The following ARMC9 variants were observed in gnomAD, a reference collection of about 807,000 sequenced individuals.
ARMC9 encodes the protein armadillo repeat containing 9, also known as lisH domain-containing protein ARMC9.
A neutral mutation model predicts 107.0 loss-of-function variants in ARMC9; 94 were observed. The observed-to-expected ratio is 0.88, with a 90% confidence interval of 0.74 to 1.04. ARMC9 has a LOEUF of 1.04. Ranked by LOEUF, ARMC9 falls within the 50% of genes least tolerant of loss-of-function variation. The probability of loss-of-function intolerance (pLI) is 0.00; values close to 1 mark genes in which losing one functional copy is unlikely to be tolerated. For missense variants in ARMC9, 942 were observed against 1,030.1 expected (o/e 0.91, Z 1.17); for synonymous variants, 380 against 396.9 (o/e 0.96, Z 0.51).
intron 11 of ARMC9, among the ~76,000 whole-genome samples, chr2:231,261,056 G>T (rs2038292912): frequency 6.6e-6 from 1 of 152,184 alleles, no homozygotes; most frequent in Admixed American, 6.5e-5. Flanking sequence ...TCTCCTTCCA[G>T]CCCAGGGCGT....
chr2:231,205,233 G>A (rs2031787166), intron 1 of ARMC9, among the ~76,000 whole-genome samples: 1 of 151,886 alleles, frequency 6.6e-6, no homozygotes, highest in African/African-American at 2.4e-5. Context: ...ACCTGGGTAT[G>A]GTGGCATGCA....
intron 12 of ARMC9, among the ~76,000 whole-genome samples, chr2:231,263,632 C>T (rs934075234): frequency 5.3e-5 from 8 of 152,148 alleles, no homozygotes; most frequent in African/African-American, 1.7e-4. Flanking sequence ...AGCAACAGAC[C>T]GTGGGAAAGT....
intron 17 of ARMC9, among the ~76,000 whole-genome samples, chr2:231,283,490 C>T (rs923481180): frequency 3.9e-5 from 6 of 152,152 alleles, no homozygotes; most frequent in Non-Finnish European, 7.4e-5. Flanking sequence ...AGTACAGTGG[C>T]ACCATCTTGA....
chr2:231,292,959 A>G (rs75647062), intron 18 of ARMC9, among the ~76,000 whole-genome samples: 1 of 152,156 alleles, frequency 6.6e-6, no homozygotes, highest in Non-Finnish European at 1.5e-5. Context: ...GGGGATTTCA[A>G]GCTCCCAGTT....
intron 12 of ARMC9, among the ~76,000 whole-genome samples, chr2:231,269,976 A>G (rs113804888): frequency 3.3e-5 from 5 of 149,422 alleles, no homozygotes. Flanking sequence ...GGGGACCACA[A>G]AGCCATTGAG....
At chr2:231,366,179 A>G (rs1045715205) in intron 23 of ARMC9, among the ~76,000 whole-genome samples, 3 of 152,232 alleles carry the variant, frequency 2.0e-5, no homozygotes, top group African/African-American at 4.8e-5. Flanking sequence ...TCCAAAGGCC[A>G]TCAGTTGGCA....
intron 12 of ARMC9, 25 bp downstream of exon 12, chr2:231,262,423 C>T: frequency 6.3e-7 from 1 of 1,578,056 alleles, no homozygotes; most frequent in South Asian, 1.1e-5. Context: ...GGGCCAGATC[C>T]CAGCCAGGGC....
At position 231,288,680 on chromosome 2, in the gene ARMC9, C is replaced by T. The variant is rs780433404; in HGVS notation, c.1627-2673C>T. 17 of 471,170 alleles carry T rather than the reference C, an allele frequency of 3.6e-5. No homozygotes were observed. In the East Asian group the frequency reaches 9.7e-4, roughly 27 times the overall value. 29.2% of individuals were successfully genotyped at this position (471,170 alleles called of 1,614,324 possible). On this transcript the variant is annotated intron_variant, in intron 17 of 24. Transcript: ENST00000611582. ...CAAAGGTCCCCTGAAGGAGTGACTG[C>T]GGTTGTGCCCATTTTGCTGCTGACA...
chr2:231,310,167 C>T (rs577635870), intron 19 of ARMC9, among the ~76,000 whole-genome samples: 53 of 152,330 alleles, frequency 3.5e-4, no homozygotes, highest in African/African-American at 1.3e-3. Context: ...GTAATCCCAG[C>T]ACTTTGGGAG....
intron 19 of ARMC9, among the ~76,000 whole-genome samples, chr2:231,328,454 A>G (rs1193348249): frequency 6.6e-6 from 1 of 152,116 alleles, no homozygotes; most frequent in African/African-American, 2.4e-5. Flanking sequence ...TGTTCTAAAA[A>G]TGTGTTAGTT....
At chr2:231,367,588 G>A (rs562343795) in intron 23 of ARMC9, among the ~76,000 whole-genome samples, 12 of 152,300 alleles carry the variant, frequency 7.9e-5, no homozygotes, top group East Asian at 1.9e-4. Flanking sequence ...CATGTGAGTC[G>A]TTTTTACTAG....
Position 231,272,954 on chromosome 2 carries a change from G to A in ARMC9, c.1211-1G>A, listed in dbSNP as rs766402286. 5 of 1,612,934 alleles carry A rather than the reference G, an allele frequency of 3.1e-6. No homozygotes were observed. In the East Asian group the frequency reaches 8.9e-5, roughly 29 times the overall value. The stretch of plus-strand genomic sequence containing the variant: ...CTGTTTCATCTCTGGTGTATTATCA[G>A]GTCGCCTCTACCTTGCCCAGAACAC... On this transcript the variant is annotated splice_acceptor_variant, in intron 13 of 24. Coordinates refer to ENST00000611582, the MANE Select transcript of ARMC9 (RefSeq NM_001352754.2). LOFTEE classifies it high-confidence loss of function.
At position 231,345,096 on chromosome 2, in the gene ARMC9, T is replaced by G; in HGVS notation, c.1994+6T>G. ...CACAGAAACGGGTACCCAGTGTAAG[T>G]CAGGGCTAAAGGAAGCGGGAATTGA... On this transcript the variant is annotated splice_donor_region_variant and intron_variant, in intron 21 of 24. Coordinates refer to ENST00000611582, the MANE Select transcript of ARMC9 (RefSeq NM_001352754.2). The G allele has an allele frequency of 6.2e-7, 1 of 1,612,988 alleles. No homozygotes were observed. Among genetic ancestry groups the G allele is most frequent in the Non-Finnish European group, 8.5e-7 (1 of 1,179,740 alleles).
chr2:231,326,916 A>G (rs1168775979), intron 19 of ARMC9, among the ~76,000 whole-genome samples: 2 of 152,164 alleles, frequency 1.3e-5, no homozygotes, highest in African/African-American at 4.8e-5. Context: ...CCAGGAGTCA[A>G]AGGGAAGGAC....
chr2:231,337,147 G>T (rs191106180), intron 20 of ARMC9, among the ~76,000 whole-genome samples: 1 of 151,772 alleles, frequency 6.6e-6, no homozygotes, highest in African/African-American at 2.4e-5. Context: ...TCCACTTTGG[G>T]GCATTTCCTA....
chr2:231,279,537 G>T (rs2040041852), intron 16 of ARMC9, among the ~76,000 whole-genome samples: 1 of 131,332 alleles, frequency 7.6e-6, no homozygotes. Flanking sequence ...TTGAGACAGA[G>T]TCTCACTCTA....
intron 9 of ARMC9, chr2:231,256,096 C>G: frequency 6.5e-7 from 1 of 1,550,198 alleles, no homozygotes; most frequent in Non-Finnish European, 8.7e-7. Context: ...GCGCCGCCAT[C>G]ATGGACACCA....
intron 19 of ARMC9, among the ~76,000 whole-genome samples, chr2:231,327,387 T>C (rs1379458221): frequency 6.6e-6 from 1 of 152,232 alleles, no homozygotes; most frequent in African/African-American, 2.4e-5. Context: ...CTGTTCTCCA[T>C]TTCTATAATT....
Position 231,273,010 on chromosome 2 carries a change from G to A in ARMC9, c.1266G>A (p.Leu422=). The change falls in exon 14 of 25, where the codon CTG becomes CTA. Residue 422 remains leucine, a synonymous_variant. Transcript: ENST00000611582. ...TGCTGCAGATGCTGGAGGGAAGGCT[G>A]AAGGAGGAGGACAAGGATATCATCA... ...TKVLQMLEGR[L]KEEDKDIITR... 6 of 1,614,020 alleles carry A rather than the reference G, an allele frequency of 3.7e-6. No individual in the cohort carries two copies. Among genetic ancestry groups the A allele is most frequent in the African/African-American group, 1.3e-5 (1 of 75,034 alleles).
Sources: allele counts gnomAD v4.1 joint callset (sites outside exome capture counted in the v4.1 genomes callset), GRCh38; gene constraint gnomAD v4.1.1; transcripts MANE v1.5; gene names NCBI Gene and HGNC (gene_info 2026-07-23, HGNC 2026-07-21).